The following NTMT1 variants were observed in gnomAD, a reference collection of about 807,000 sequenced individuals.
NTMT1 encodes N-terminal RCC1 methyltransferase.
NTMT1 carries 8 observed loss-of-function variants against 17.5 expected under a neutral mutation model. The observed-to-expected ratio is 0.46, with a 90% confidence interval of 0.27 to 0.82. NTMT1 has a LOEUF of 0.82. Among genes scored for constraint, NTMT1 ranks in the 40% least tolerant of loss-of-function variants. The probability of loss-of-function intolerance (pLI) is 0.15; values close to 1 mark genes in which losing one functional copy is unlikely to be tolerated. For missense variants in NTMT1, 221 were observed against 303.5 expected (o/e 0.73, Z 2.02); for synonymous variants, 128 against 126.8 (o/e 1.01, Z -0.06).
chr9:129,610,184 G>GGGAGGGGGGA, intron 1 of NTMT1, among the ~76,000 whole-genome samples: 4 of 127,384 alleles, frequency 3.1e-5, no homozygotes, highest in Non-Finnish European at 5.0e-5. Context: ...CGAGCCACAG[G>GGGAGGGGGGA]GGAGGGGGGA....
rs112215475 is a variant in NTMT1, at chr9:129,620,816, C to T, written c.-55+11638C>T. 3,668 of 384,184 alleles carry T rather than the reference C, an allele frequency of 9.5e-3. 111 individuals carry two copies. Among genetic ancestry groups the T allele is most frequent in the East Asian group, 0.079 (2,115 of 26,708 alleles). The allele number at this position is 384,184 out of a possible 1,614,324, so 23.8% of individuals were successfully genotyped here. A position where few individuals can be genotyped will look rare whatever the true frequency, so the allele number is the denominator to read the frequency against. ...TAGCCAACTTTGGGGGTTGCTGTGA[C>T]GTTTAAATGAGCAAGTACATGCCAG... On this transcript the variant is annotated intron_variant, in intron 1 of 3. Coordinates refer to the NTMT1 transcript ENST00000372486. The surrounding 1 kb of genome is among the most constrained non-coding windows in gnomAD (Gnocchi z 5.8).
chr9:129,626,242 C>T lies in NTMT1; in HGVS notation c.-108C>T, dbSNP rs1428634099. The T allele has an allele frequency of 6.6e-6, 1 of 152,168 alleles. No homozygotes were observed. Among genetic ancestry groups the T allele is most frequent in the Non-Finnish European group, 1.5e-5 (1 of 68,050 alleles). The allele number at this position is 152,168 out of a possible 1,614,324, so 9.4% of individuals were successfully genotyped here. ...CTTGTGGCGTCTCCGCCGCCGCCGCCCTCCCTTCCTCTTCCCCATCTTCTT... is the reference window on the plus strand; with the variant it reads ...CTTGTGGCGTCTCCGCCGCCGCCGCTCTCCCTTCCTCTTCCCCATCTTCTT... On this transcript the variant is annotated 5_prime_UTR_variant, in exon 1 of 4. Coordinates refer to ENST00000372483, the MANE Select transcript of NTMT1 (RefSeq NM_014064.4).
At chr9:129,633,225 A>G (rs1291952942) in intron 2 of NTMT1, 2 of 402,380 alleles carry the variant, frequency 5.0e-6, no homozygotes, top group Non-Finnish European at 8.7e-6. Flanking sequence ...ACTCCTAGTT[A>G]TGTGCCATGG....
At chr9:129,611,219 C>T (rs1289208580) in intron 1 of NTMT1, among the ~76,000 whole-genome samples, 1 of 152,180 alleles carries the variant, frequency 6.6e-6, no homozygotes, top group African/African-American at 2.4e-5. Flanking sequence ...GTGTGGATTC[C>T]CTGCTGTTTC....
Position 129,632,658 on chromosome 9 carries a change from C to G in NTMT1, c.-46C>G. The G allele has an allele frequency of 6.2e-7, 1 of 1,606,854 alleles. No individual in the cohort carries two copies. Among genetic ancestry groups the G allele is most frequent in the South Asian group, 1.1e-5 (1 of 90,458 alleles). ...CCCCCTTCCTTACCCAGGAGAGTCGCGGTTGCTGATCGTGGTGCTTGAGTA... is the reference window on the plus strand; with the variant it reads ...CCCCCTTCCTTACCCAGGAGAGTCGGGGTTGCTGATCGTGGTGCTTGAGTA... On this transcript the variant is annotated 5_prime_UTR_variant, in exon 2 of 4. Transcript: ENST00000372483.
At chr9:129,621,529 G>A (rs1564340539), upstream of NTMT1, among the ~76,000 whole-genome samples, 1 of 152,134 alleles carries the variant, frequency 6.6e-6, no homozygotes, top group Admixed American at 6.5e-5. Flanking sequence ...GCTAATTTTT[G>A]TATATTTTGT....
intron 1 of NTMT1, among the ~76,000 whole-genome samples, chr9:129,618,039 C>T (rs1185275479): frequency 1.3e-5 from 2 of 152,136 alleles, no homozygotes; most frequent in Non-Finnish European, 2.9e-5. Context: ...ACCTAGAGTA[C>T]TGTGTGAGGA....
chr9:129,619,165 G>A (rs1214609283), intron 1 of NTMT1, among the ~76,000 whole-genome samples: 7 of 152,316 alleles, frequency 4.6e-5, no homozygotes, highest in Middle Eastern at 3.4e-3. Context: ...GTGGACAGAA[G>A]GATGGATGGA....
rs1478370184 is a variant in NTMT1 at position 129,634,241 on chromosome 9, G to C, written c.350G>C (p.Cys117Ser). 6.2e-7 allele frequency: 1 copy of C among 1,613,956 alleles called. No individual in the cohort carries two copies. The highest frequency in any genetic ancestry group is 1.3e-5 in the African/African-American group (1 of 74,924). ...EGKRVRNYFCCGLQDFTPEPD... is the reference protein window; with the variant it reads ...EGKRVRNYFCSGLQDFTPEPD... ...AAGAGGGTGAGGAACTACTTCTGTT[G>C]TGGGCTCCAGGACTTCACCCCGGAG... Residue 117 changes from cysteine (C) to serine (S), a missense_variant, in exon 3 of 4, where the codon TGT (cysteine) becomes TCT (serine). Transcript: ENST00000372483.
chr9:129,618,118 G>T (rs1830483535), intron 1 of NTMT1, among the ~76,000 whole-genome samples: 1 of 152,182 alleles, frequency 6.6e-6, no homozygotes, highest in African/African-American at 2.4e-5. Flanking sequence ...AGATGAGGAA[G>T]AATGATATGT....
intron 1 of NTMT1, among the ~76,000 whole-genome samples, chr9:129,618,432 G>C (rs1830496954): frequency 6.6e-6 from 1 of 152,136 alleles, no homozygotes; most frequent in Admixed American, 6.5e-5. Context: ...GTGGGTTGAT[G>C]GGTGGATGGA....
intron 1 of NTMT1, chr9:129,619,666 G>A: frequency 6.2e-7 from 1 of 1,609,890 alleles, no homozygotes; most frequent in Non-Finnish European, 8.5e-7. Flanking sequence ...CATCTGGCAT[G>A]AGTGGCCAGG....
intron 2 of NTMT1, 93 bp from the exon 3 acceptor site, chr9:129,633,961 C>G (rs1831350744): frequency 1.4e-6 from 2 of 1,429,988 alleles, no homozygotes; most frequent in Non-Finnish European, 1.9e-6. Flanking sequence ...GTCCTGGAAT[C>G]CTGACTTGAG....
In NTMT1 at chr9:129,614,874, C is replaced by G. The variant is rs1830274765; in HGVS notation, c.-55+5696C>G. On this transcript the variant is annotated intron_variant, in intron 1 of 3. Transcript: ENST00000372486. The surrounding 1 kb of genome is among the most constrained non-coding windows in gnomAD (Gnocchi z 4.4). The stretch of plus-strand genomic sequence containing the variant: ...CCGAGATCGCGCCACTGCACTCCAG[C>G]CTGGGCGACAGAGTGAGACTCCGTA... Among the ~76,000 whole-genome samples the G allele has an allele frequency of 6.6e-6, 1 of 152,060 alleles. No individual in the cohort carries two copies. Among genetic ancestry groups the G allele is most frequent in the Non-Finnish European group, 1.5e-5 (1 of 68,020 alleles).
intron 1 of NTMT1, chr9:129,619,482 TCCTCCACTACCCTACCCTTATC>T: frequency 6.9e-7 from 1 of 1,445,702 alleles, no homozygotes; most frequent in Non-Finnish European, 9.5e-7. Context: ...AATGCCCCTT[TCCTCCACTACCCTACCCTTATC>T]CCGCCCATCA....
chr9:129,617,834 C>A (rs1402148618), intron 1 of NTMT1, among the ~76,000 whole-genome samples: 4 of 152,150 alleles, frequency 2.6e-5, no homozygotes, highest in Non-Finnish European at 5.9e-5. Context: ...CAGGCATGCA[C>A]CACCACGCCC....
chr9:129,634,984 T>G, intron 3 of NTMT1: 1 of 566,250 alleles, frequency 1.8e-6, no homozygotes, highest in Non-Finnish European at 3.1e-6. Flanking sequence ...TCAAGTCAAA[T>G]TCTGGCTTAA....
chr9:129,625,890 T>A (rs1003119082), upstream of NTMT1, among the ~76,000 whole-genome samples: 3 of 151,496 alleles, frequency 2.0e-5, no homozygotes, highest in Non-Finnish European at 4.4e-5. Flanking sequence ...CTCACGCCTG[T>A]AGTCCCAGGT....
intron 1 of NTMT1, among the ~76,000 whole-genome samples, chr9:129,627,156 G>C (rs981312728): frequency 1.1e-4 from 17 of 152,322 alleles, no homozygotes; most frequent in African/African-American, 4.1e-4. Context: ...ACTGAGGACT[G>C]TGCGGGGGTT....
Sources: gnomAD v4.1 joint callset for allele counts (sites outside exome capture counted in the v4.1 genomes callset) on GRCh38, gnomAD v4.1.1 for gene constraint, Gnocchi (gnomAD v3.1) non-coding constraint, MANE v1.5 for transcripts, NCBI Gene and HGNC (gene_info 2026-07-23, HGNC 2026-07-21) for gene names.